Variants in ITGB5 observed in about 807,000 individuals in gnomAD.
ITGB5 encodes integrin subunit beta 5.
A neutral mutation model predicts 84.8 loss-of-function variants in ITGB5; 38 were observed. The ratio of observed to expected loss-of-function variants is 0.45; its 90% CI spans 0.35 to 0.59. The LOEUF is 0.59. ITGB5 is among the 20% of genes least tolerant of loss of function. The pLI is 0.01. For synonymous variants in ITGB5, 393 were observed against 414.4 expected, an observed-to-expected ratio of 0.95 and a Z score of 0.63; for missense variants, 905 against 1,034.5, an observed-to-expected ratio of 0.87 and a Z score of 1.72.
chr3:124,833,141 G>C (rs2107580999), intron 5 of ITGB5: 1 of 152,226 alleles, frequency 6.6e-6, no homozygotes, highest in Admixed American at 6.5e-5. Context: ...CAAAAGTGTA[G>C]CATTTCTTTC....
intron 12 of ITGB5, among the ~76,000 whole-genome samples, chr3:124,768,219 C>G (rs1239605132): frequency 6.6e-6 from 1 of 152,122 alleles, no homozygotes; most frequent in Non-Finnish European, 1.5e-5. Flanking sequence ...AGAGGGGAAG[C>G]CTGCCAGTGA....
At chr3:124,794,350 G>C (rs2064190270) in intron 10 of ITGB5, among the ~76,000 whole-genome samples, 2 of 152,122 alleles carry the variant, frequency 1.3e-5, no homozygotes, top group South Asian at 4.2e-4. Flanking sequence ...AGAAAATTAA[G>C]GGCTCCAACA....
intron 12 of ITGB5, 90 bp from the exon 13 acceptor site, chr3:124,766,435 A>T (rs2063769974): frequency 9.9e-6 from 15 of 1,508,058 alleles, no homozygotes; most frequent in Non-Finnish European, 1.4e-5. Context: ...TGCCTTGAAA[A>T]AGGAAAGGGC....
chr3:124,889,927 G>T (rs1243544580), upstream of ITGB5, among the ~76,000 whole-genome samples: 1 of 152,018 alleles, frequency 6.6e-6, no homozygotes, highest in East Asian at 1.9e-4. Flanking sequence ...CCTGAGAATC[G>T]CTTGAATCCA....
Position 124,886,871 on chromosome 3 carries a change from C to T in ITGB5, c.70+60G>A, listed in dbSNP as rs542370871. 413 of 1,098,198 alleles carry T rather than the reference C, an allele frequency of 3.8e-4. 2 individuals are homozygous for T. In the African/African-American group the frequency reaches 5.6e-3, roughly 15 times the overall value. The allele number at this position is 1,098,198 out of a possible 1,614,324, so 68.0% of individuals were successfully genotyped here. ...CTGCGCTCCCCGCCCCTCCGAGACGCCCGCCCGCGGCTGAGTGTGCGACAA... is the reference window on the plus strand; with the variant it reads ...CTGCGCTCCCCGCCCCTCCGAGACGTCCGCCCGCGGCTGAGTGTGCGACAA... On this transcript the variant is annotated intron_variant, in intron 1 of 14. Coordinates refer to ENST00000296181, the MANE Select transcript of ITGB5 (RefSeq NM_002213.5).
At chr3:124,794,926 A>G (rs1337886253) in intron 10 of ITGB5, among the ~76,000 whole-genome samples, 2 of 152,224 alleles carry the variant, frequency 1.3e-5, no homozygotes, top group Non-Finnish European at 2.9e-5. Flanking sequence ...GAATGTCCAA[A>G]TCACAGGAAA....
intron 11 of ITGB5, among the ~76,000 whole-genome samples, chr3:124,771,743 T>A (rs2063846751): frequency 1.2e-5 from 1 of 83,818 alleles, no homozygotes; most frequent in African/African-American, 5.7e-5. Context: ...AGTGAGACCC[T>A]GTCTCAAAAA....
chr3:124,814,675 G>A (rs922878563), intron 8 of ITGB5, among the ~76,000 whole-genome samples: 3 of 151,948 alleles, frequency 2.0e-5, no homozygotes, highest in Non-Finnish European at 2.9e-5. Flanking sequence ...CAAACTCCTG[G>A]CCTCAAGTGA....
At chr3:124,882,657 A>G (rs1269006088) in intron 1 of ITGB5, among the ~76,000 whole-genome samples, 1 of 152,252 alleles carries the variant, frequency 6.6e-6, no homozygotes, top group Non-Finnish European at 1.5e-5. Flanking sequence ...GAAGGTTTTA[A>G]GCAGAGAGAT....
At chr3:124,872,157 G>A (rs1934087533) in intron 2 of ITGB5, among the ~76,000 whole-genome samples, 1 of 152,178 alleles carries the variant, frequency 6.6e-6, no homozygotes, top group African/African-American at 2.4e-5. Context: ...TTTATATGTT[G>A]GGAAGATTCC....
chr3:124,766,276 T>C lies in ITGB5; in HGVS notation c.2087A>G (p.Tyr696Cys), dbSNP rs1320393183. Residue 696 changes from tyrosine (Y) to cysteine (C), a missense_variant, in exon 13 of 15, where the codon TAT becomes TGT. Around this residue, in one of 3 missense-constraint regions of ITGB5, gnomAD observed 116 missense variants for 177.0 expected, o/e 0.66. Coordinates refer to ENST00000296181, the MANE Select transcript of ITGB5 (RefSeq NM_002213.5). ...GGACTTCCCACTGGGGAGCTCCACA[T>C]AGGTGAACATCATGACGCAGTCCTT... ...TAKDCVMMFT[Y>C]VELPSGKSNL... 4.3e-6 allele frequency: 7 copies of C among 1,614,008 alleles called. No homozygotes were observed. Among genetic ancestry groups the C allele is most frequent in the African/African-American group, 1.3e-5 (1 of 74,910 alleles).
chr3:124,770,843 A>G (rs1311618565), intron 11 of ITGB5, among the ~76,000 whole-genome samples: 1 of 152,212 alleles, frequency 6.6e-6, no homozygotes, highest in Non-Finnish European at 1.5e-5. Context: ...GCTGGGGGCC[A>G]GGAAGGGGTG....
chr3:124,866,219 G>A (rs1349332991), intron 2 of ITGB5, among the ~76,000 whole-genome samples: 1 of 152,000 alleles, frequency 6.6e-6, no homozygotes, highest in Non-Finnish European at 1.5e-5. Flanking sequence ...CTGAGTTCAA[G>A]TGATCCACCC....
In ITGB5 at chr3:124,773,911, G is replaced by A. The variant is rs2150935948; in HGVS notation, c.1695C>T (p.Gly565=). Residue 565 remains glycine, a splice_region_variant and synonymous_variant, in exon 11 of 15, where the codon GGC becomes GGT. Transcript: ENST00000296181. ...ATTCCCCGCAGTGACACTCGCCATG[G>A]CCTAAAAGGATACATGTGGCACATC... The part of the protein sequence containing the change: ...CARNKGVLCS[G]HGECHCGECK... 1.9e-6 allele frequency: 3 copies of A among 1,613,970 alleles called. No homozygotes were observed. Among genetic ancestry groups the A allele is most frequent in the Non-Finnish European group, 2.5e-6 (3 of 1,179,916 alleles).
At chr3:124,800,655 C>T (rs1213744251) in intron 9 of ITGB5, among the ~76,000 whole-genome samples, 1 of 149,384 alleles carries the variant, frequency 6.7e-6, no homozygotes, top group Non-Finnish European at 1.5e-5. Flanking sequence ...CACTGGGTCT[C>T]AGCTCCTGCT....
chr3:124,795,075 A>G (rs2064203029), intron 10 of ITGB5, among the ~76,000 whole-genome samples: 1 of 152,206 alleles, frequency 6.6e-6, no homozygotes, highest in African/African-American at 2.4e-5. Flanking sequence ...CTAGATCAGA[A>G]GAGAGAACAG....
At chr3:124,896,157 A>G (rs2107661657) in intron 1 of ITGB5, among the ~76,000 whole-genome samples, 1 of 152,338 alleles carries the variant, frequency 6.6e-6, no homozygotes, top group Middle Eastern at 3.4e-3. Flanking sequence ...GACTCTAAAA[A>G]TGATCACCTT....
chr3:124,764,244 C>A lies in ITGB5; in HGVS notation c.2304+147G>T, dbSNP rs1034279654. The A allele has an allele frequency of 1.4e-5, 12 of 836,500 alleles. 1 individual carries two copies. Among genetic ancestry groups the A allele is most frequent in the Admixed American group, 2.7e-5 (1 of 37,124 alleles). The allele number at this position is 836,500 out of a possible 1,614,324, so 51.8% of individuals were successfully genotyped here. A position where few individuals can be genotyped will look rare whatever the true frequency, so the allele number is the denominator to read the frequency against. On this transcript the variant is annotated intron_variant, in intron 14 of 14. Coordinates refer to ENST00000296181, the MANE Select transcript of ITGB5 (RefSeq NM_002213.5). ...ACTGGGGCTGTGCAATTCTCTCTCTCCAGAACTGGGCACAGCGTTTCTGGT... is the reference window on the plus strand; with the variant it reads ...ACTGGGGCTGTGCAATTCTCTCTCTACAGAACTGGGCACAGCGTTTCTGGT...
Position 124,841,507 on chromosome 3 carries a change from T to C in ITGB5, c.656A>G (p.His219Arg), listed in dbSNP as rs2065010796. 9.3e-6 allele frequency: 15 copies of C among 1,614,206 alleles called. No individual in the cohort carries two copies. The highest frequency in any genetic ancestry group is 1.2e-5 in the Non-Finnish European group (14 of 1,180,022). Residue 219 changes from histidine to arginine, a missense_variant, in exon 5 of 15, where the codon CAT (histidine) becomes CGT (arginine). Coordinates refer to ENST00000296181, the MANE Select transcript of ITGB5 (RefSeq NM_002213.5). Reference sequence around the variant, plus strand: ...CACTCTGTCTGTGAGAGGCAGCAGATGGCGGAACCCAAAGGAGGGGACGCA... The same window carrying C: ...CACTCTGTCTGTGAGAGGCAGCAGACGGCGGAACCCAAAGGAGGGGACGCA... The part of the protein sequence containing the change: ...PNCVPSFGFR[H>R]LLPLTDRVDS...
Sources: gnomAD v4.1 joint callset for allele counts (sites outside exome capture counted in the v4.1 genomes callset) on GRCh38, gnomAD v4.1.1 for gene constraint, gnomAD v4.1.1 regional missense constraint, MANE v1.5 for transcripts, NCBI Gene and HGNC (gene_info 2026-07-23, HGNC 2026-07-21) for gene names.